Variants in KDM5B observed in about 807,000 individuals in gnomAD.
The protein encoded by KDM5B is lysine demethylase 5B, also known as lysine-specific demethylase 5B.
A neutral mutation model predicts 193.4 loss-of-function variants in KDM5B; 144 were observed. That is an observed-to-expected ratio of 0.74 (90% CI 0.65 to 0.86). The LOEUF is 0.86. Ranked by LOEUF, KDM5B falls within the 40% of genes least tolerant of loss-of-function variation. The probability of loss-of-function intolerance (pLI) is 0.00; values close to 1 mark genes in which losing one functional copy is unlikely to be tolerated. For synonymous variants in KDM5B, 668 were observed against 682.6 expected, an observed-to-expected ratio of 0.98 and a Z score of 0.33; for missense variants, 1,833 against 1,886.9, an observed-to-expected ratio of 0.97 and a Z score of 0.53.
chr1:202,767,064 G>C lies in KDM5B; in HGVS notation c.577-4C>G, dbSNP rs1303781750. 1 of 1,608,864 alleles carries C rather than the reference G, an allele frequency of 6.2e-7. No homozygotes were observed. Among genetic ancestry groups the C allele is most frequent in the African/African-American group, 1.3e-5 (1 of 74,326 alleles). The stretch of plus-strand genomic sequence containing the variant: ...TCAGGTTTGGCTTCTGCAAACACTA[G>C]AAATAACAACTGTACTGATAAATTC... On this transcript the variant is annotated splice_polypyrimidine_tract_variant and splice_region_variant and intron_variant, in intron 4 of 26. Coordinates refer to ENST00000367265, the MANE Select transcript of KDM5B (RefSeq NM_006618.5).
At chr1:202,750,210 T>C (rs1272850806) in intron 13 of KDM5B, among the ~76,000 whole-genome samples, 1 of 152,248 alleles carries the variant, frequency 6.6e-6, no homozygotes, top group African/African-American at 2.4e-5. Flanking sequence ...CTTTATCTCA[T>C]TGTGGACTGG....
In KDM5B at chr1:202,808,329, G is replaced by C; in HGVS notation, c.-24C>G. On this transcript the variant is annotated 5_prime_UTR_variant, in exon 1 of 27. Coordinates refer to ENST00000367265, the MANE Select transcript of KDM5B (RefSeq NM_006618.5). ...ATCACCGCAGGCTGGGCAAGGGCGA[G>C]GCGAAGGTGGGCTCCGGGACCGAGG... 2.6e-6 allele frequency: 4 copies of C among 1,548,112 alleles called. No individual in the cohort carries two copies. The highest frequency in any genetic ancestry group is 3.5e-6 in the Non-Finnish European group (4 of 1,150,512).
Position 202,767,016 on chromosome 1 carries a change from CT to C in KDM5B, c.620del (p.Glu207GlyfsTer28). ...PNLTTDTKDK[E>X]YKPHDIPQRQ... ...TCTGGGGAATATCATGGGGTTTGTA[CT>C]CCTTGTCCTTAGTGTCTGTGGTCAG... On this transcript the variant is annotated frameshift_variant, in exon 5 of 27. Transcript: ENST00000367265. LOFTEE classifies it high-confidence loss of function. 1 of 1,607,744 alleles carries C rather than the reference CT, an allele frequency of 6.2e-7. No individual in the cohort carries two copies. The highest frequency in any genetic ancestry group is 8.5e-7 in the Non-Finnish European group (1 of 1,178,528).
intron 4 of KDM5B, among the ~76,000 whole-genome samples, chr1:202,769,009 C>T (rs1234893331): frequency 6.6e-6 from 1 of 150,998 alleles, no homozygotes; most frequent in East Asian, 2.0e-4. Context: ...CCACTGCACC[C>T]GGCCTACGGC....
At chr1:202,751,728 C>G (rs997261047) in intron 12 of KDM5B, among the ~76,000 whole-genome samples, 2 of 152,160 alleles carry the variant, frequency 1.3e-5, no homozygotes, top group African/African-American at 4.8e-5. Flanking sequence ...TTATCTTTTA[C>G]TTCAGATAAT....
chr1:202,761,821 C>T (rs1358451513), intron 7 of KDM5B, among the ~76,000 whole-genome samples: 1 of 152,154 alleles, frequency 6.6e-6, no homozygotes, highest in Admixed American at 6.5e-5. Flanking sequence ...GTCTGCGGCA[C>T]ATCCTTATGG....
chr1:202,729,212 A>G, intron 26 of KDM5B, 39 bp from the exon 27 acceptor site: 5 of 1,612,442 alleles, frequency 3.1e-6, no homozygotes, highest in Non-Finnish European at 4.2e-6. Flanking sequence ...TTTCAGAGGA[A>G]AAAATGGATT....
intron 22 of KDM5B, 98 bp from the exon 23 acceptor site, chr1:202,733,984 G>C: frequency 2.9e-6 from 4 of 1,392,646 alleles, no homozygotes; most frequent in Non-Finnish European, 3.9e-6. Context: ...ATCCTGAGTA[G>C]ATCATCTGTA....
intron 23 of KDM5B, 118 bp from the exon 24 acceptor site, chr1:202,732,057 A>AAG: frequency 1.6e-6 from 1 of 636,746 alleles, no homozygotes. Flanking sequence ...AAAAAAAAAA[A>AAG]CAACTTGATT....
chr1:202,742,291 A>C (rs1390305737), intron 18 of KDM5B, 100 bp downstream of exon 18: 1 of 781,822 alleles, frequency 1.3e-6, no homozygotes, highest in African/African-American at 1.7e-5. Context: ...ATAAATGTAC[A>C]TATTAATCAT....
At chr1:202,760,356 G>T in intron 8 of KDM5B, 59 bp downstream of exon 8, 3 of 1,143,128 alleles carry the variant, frequency 2.6e-6, no homozygotes, top group Non-Finnish European at 3.7e-6. Flanking sequence ...AAAACTCAAA[G>T]GCAAAGAAAA....
At position 202,727,578 on chromosome 1, in the gene KDM5B, T is replaced by A. The variant is rs1029662104; in HGVS notation, c.*1458A>T. The A allele has an allele frequency of 3.3e-5, 5 of 152,516 alleles. No individual in the cohort carries two copies. Among genetic ancestry groups the A allele is most frequent in the African/African-American group, 1.2e-4 (5 of 41,388 alleles). The allele number at this position is 152,516 out of a possible 1,614,324, so 9.4% of individuals were successfully genotyped here. ...GGGAAAACAAAAATTGGCAACAGAA[T>A]AGGAAAAGGTAAGCAAAAGTCTGGT... On this transcript the variant is annotated 3_prime_UTR_variant, in exon 27 of 27. Transcript: ENST00000367265.
chr1:202,779,890 G>A (rs1312784363), intron 1 of KDM5B, among the ~76,000 whole-genome samples: 1 of 151,746 alleles, frequency 6.6e-6, no homozygotes, highest in Non-Finnish European at 1.5e-5. Context: ...GAAATTAACT[G>A]CAGCATTACA....
rs925374543 is a variant in KDM5B, at chr1:202,726,255, TCAC to T, written c.*2778_*2780del. On this transcript the variant is annotated 3_prime_UTR_variant, in exon 27 of 27. Coordinates refer to ENST00000367265, the MANE Select transcript of KDM5B (RefSeq NM_006618.5). ...AAATTCAGGTTTTTAACAACCTCCA[TCAC>T]CACAAGTGGCATCTCTCCTTTAGGT... 4.1e-4 allele frequency: 63 copies of T among 152,326 alleles called. No homozygotes were observed. The highest frequency in any genetic ancestry group is 1.3e-3 in the African/African-American group (54 of 41,584). The allele number at this position is 152,326 out of a possible 1,614,324, so 9.4% of individuals were successfully genotyped here.
At chr1:202,758,235 G>C (rs576176330) in intron 9 of KDM5B, among the ~76,000 whole-genome samples, 156 bp downstream of exon 9, 1 of 152,326 alleles carries the variant, frequency 6.6e-6, no homozygotes, top group South Asian at 2.1e-4. Context: ...AAAGTATTGT[G>C]AAATTTTAAA....
intron 23 of KDM5B, among the ~76,000 whole-genome samples, chr1:202,732,665 T>A (rs1271677691): frequency 6.6e-6 from 1 of 151,830 alleles, no homozygotes; most frequent in African/African-American, 2.4e-5. Context: ...ATTTAACTCA[T>A]ATAATCCATG....
intron 22 of KDM5B, among the ~76,000 whole-genome samples, chr1:202,735,158 G>T (rs746063575): frequency 2.6e-5 from 4 of 152,072 alleles, no homozygotes; most frequent in African/African-American, 4.8e-5. Flanking sequence ...TCTTTAGTTA[G>T]CATTCCTGGA....
intron 9 of KDM5B, 21 bp downstream of exon 9, chr1:202,758,370 A>C: frequency 1.3e-6 from 2 of 1,560,452 alleles, no homozygotes; most frequent in Non-Finnish European, 1.7e-6. Context: ...TCCTAAATCA[A>C]AGCAGTATAT....
Position 202,766,956 on chromosome 1 carries a change from TG to T in KDM5B, c.680del (p.Pro227GlnfsTer8). On this transcript the variant is annotated frameshift_variant, in exon 5 of 27. Coordinates refer to ENST00000367265, the MANE Select transcript of KDM5B (RefSeq NM_006618.5). LOFTEE classifies it high-confidence loss of function. ...CTCTCATGCGTTTTGCTCGTCGGGC[TG>T]GGGGGCACGTTTCCGAAGGCTGCAC... Reference protein sequence around the residue: ...QSVQPSETCPPARRAKRMRAE... With the variant: ...QSVQPSETCPXARRAKRMRAE... 1 of 1,583,098 alleles carries T rather than the reference TG, an allele frequency of 6.3e-7. No individual in the cohort carries two copies. Among genetic ancestry groups the T allele is most frequent in the Non-Finnish European group, 8.5e-7 (1 of 1,172,654 alleles).
Sources: gnomAD v4.1 joint callset for allele counts (sites outside exome capture counted in the v4.1 genomes callset) on GRCh38, gnomAD v4.1.1 for gene constraint, MANE v1.5 for transcripts, NCBI Gene and HGNC (gene_info 2026-07-23, HGNC 2026-07-21) for gene names.